TGM7: variants seen among roughly 807,000 people sequenced by gnomAD.
The protein encoded by TGM7 is protein-glutamine gamma-glutamyltransferase Z.
In TGM7, 74 loss-of-function variants were observed where a neutral mutation model predicts 79.5. The observed-to-expected ratio is 0.93, with a 90% confidence interval of 0.77 to 1.13. The LOEUF (loss-of-function observed/expected upper bound fraction) is 1.13. TGM7 is among the 50% of genes most tolerant of loss of function. The pLI is 0.00. For missense variants in TGM7, 912 were observed against 905.9 expected, an observed-to-expected ratio of 1.01 and a Z score of -0.09; for synonymous variants, 354 against 362.5, an observed-to-expected ratio of 0.98 and a Z score of 0.27.
In TGM7 at chr15:43,297,459, G is replaced by A. The variant is rs2043002112; in HGVS notation, c.11-3828C>T. On this transcript the variant is annotated intron_variant, in intron 1 of 12. Coordinates refer to ENST00000452443, the MANE Select transcript of TGM7 (RefSeq NM_052955.3). ...CAGAGCGAGACCCTGTCTCAAAAAA[G>A]AGAGAAAGAGAGACAGAAAGAGAGA... 6.2e-5 allele frequency among the ~76,000 whole-genome samples: 9 copies of A among 145,464 alleles called. No individual in the cohort carries two copies. In the Admixed American group the frequency reaches 6.3e-4, roughly 10 times the overall value.
At chr15:43,297,690 G>A (rs1014519122) in intron 1 of TGM7, among the ~76,000 whole-genome samples, 1 of 152,116 alleles carries the variant, frequency 6.6e-6, no homozygotes, top group East Asian at 1.9e-4. Context: ...TGAGCTCCGC[G>A]ATGCAAAGCT....
chr15:43,301,414 G>A (rs1393828967), intron 1 of TGM7, among the ~76,000 whole-genome samples: 1 of 151,646 alleles, frequency 6.6e-6, no homozygotes, highest in Non-Finnish European at 1.5e-5. Flanking sequence ...TGGGTCACCT[G>A]AGGTCAGGAG....
intron 9 of TGM7, 44 bp from the exon 10 acceptor site, chr15:43,279,995 G>T (rs1276518069): frequency 1.9e-6 from 3 of 1,576,162 alleles, no homozygotes; most frequent in East Asian, 2.2e-5. Flanking sequence ...GGGAGGGGTG[G>T]AGAGGACCAG....
rs1407488360 is a variant in TGM7, at chr15:43,287,277, C to T, written c.865+3G>A. 6.2e-7 allele frequency: 1 copy of T among 1,612,102 alleles called. No homozygotes were observed. The highest frequency in any genetic ancestry group is 8.5e-7 in the Non-Finnish European group (1 of 1,179,606). ...ACCCCTAAGTGAGTGATCTTTCGCT[C>T]ACCGGTGCACATAACAGAGGCGAAG... On this transcript the variant is annotated splice_donor_region_variant and intron_variant, in intron 6 of 12. Coordinates refer to ENST00000452443, the MANE Select transcript of TGM7 (RefSeq NM_052955.3).
intron 1 of TGM7, among the ~76,000 whole-genome samples, chr15:43,300,750 G>A (rs2043021565): frequency 2.0e-5 from 3 of 152,298 alleles, no homozygotes; most frequent in Middle Eastern, 3.4e-3. Flanking sequence ...GCAGTGAACC[G>A]AGATTGCGCC....
chr15:43,277,557 G>A (rs1232019417), intron 11 of TGM7, among the ~76,000 whole-genome samples: 1 of 152,196 alleles, frequency 6.6e-6, no homozygotes. Context: ...CCACGCTGCT[G>A]TGTCTTCATA....
In TGM7 at chr15:43,292,055, T is replaced by TACTC; in HGVS notation, c.478_481dup (p.Tyr161Ter). The stretch of plus-strand genomic sequence containing the variant: ...AACAAAGCCATAATCTCGCATGATA[T>TACTC]ACTCCTGCAGCAGTATTTCACTTGG... On this transcript the variant is annotated stop_gained and frameshift_variant, in exon 4 of 13. Coordinates refer to ENST00000452443, the MANE Select transcript of TGM7 (RefSeq NM_052955.3). LOFTEE classifies it high-confidence loss of function. 1 of 1,614,034 alleles carries TACTC rather than the reference T, an allele frequency of 6.2e-7. No homozygotes were observed. The highest frequency in any genetic ancestry group is 8.5e-7 in the Non-Finnish European group (1 of 1,180,006).
rs138651144 is a variant in TGM7 at position 43,301,841 on chromosome 15, G to C, written c.10+400C>G. ...TCTCAGTGAGGACCTGAGAGTCAGG[G>C]GAGAAGCTGGACAAGGGAGAGGTCT... On this transcript the variant is annotated intron_variant, in intron 1 of 12. Transcript: ENST00000452443. Among the ~76,000 whole-genome samples the C allele has an allele frequency of 5.1e-3, 774 of 152,064 alleles. 3 individuals carry two copies. Among genetic ancestry groups the C allele is most frequent in the Non-Finnish European group, 8.7e-3 (594 of 67,984 alleles).
chr15:43,296,472 G>A (rs1364109596), intron 1 of TGM7, among the ~76,000 whole-genome samples: 1 of 151,110 alleles, frequency 6.6e-6, no homozygotes, highest in Non-Finnish European at 1.5e-5. Flanking sequence ...CCTCAATCTG[G>A]TTGGGAACTG....
rs554798957 is a variant in TGM7 at position 43,289,392 on chromosome 15, C to G, written c.559-1723G>C. On this transcript the variant is annotated intron_variant, in intron 4 of 12. Coordinates refer to ENST00000452443, the MANE Select transcript of TGM7 (RefSeq NM_052955.3). ...TCCATGTCCCTACAAAGGACATGAA[C>G]TCATCATTTTTTATGGCTGCATAGT... Among the ~76,000 whole-genome samples, 4 of 152,294 alleles carry G rather than the reference C, an allele frequency of 2.6e-5. No individual in the cohort carries two copies. In the East Asian group the frequency reaches 7.7e-4, roughly 29 times the overall value.
chr15:43,293,522 G>C lies in TGM7; in HGVS notation c.120C>G (p.Pro40=). 1.2e-6 allele frequency: 2 copies of C among 1,611,972 alleles called. No homozygotes were observed. The highest frequency in any genetic ancestry group is 1.7e-4 in the Middle Eastern group (1 of 6,046). The change falls in exon 2 of 13, where the codon CCC becomes CCG. Residue 40 remains proline (P), a synonymous_variant. Coordinates refer to ENST00000452443, the MANE Select transcript of TGM7 (RefSeq NM_052955.3). ...GGCTGAAGCTCAGCCGGAGGTAGAA[G>C]GGCTGGCCGCGGCGCACAGTGAGCC... ...VKRLTVRRGQ[P]FYLRLSFSRP... is the part of the protein sequence containing the mutation.
Position 43,291,982 on chromosome 15 carries a change from C to A in TGM7, c.555G>T (p.Gly185=). 6.2e-7 allele frequency: 1 copy of A among 1,612,694 alleles called. No individual in the cohort carries two copies. The highest frequency in any genetic ancestry group is 8.5e-7 in the Non-Finnish European group (1 of 1,178,824). The change falls in exon 4 of 13, where the codon GGG becomes GGT. Residue 185 remains glycine (G), a synonymous_variant. Coordinates refer to ENST00000452443, the MANE Select transcript of TGM7 (RefSeq NM_052955.3). ...RFITSWPWNY[G]QFEEDIIDIC... ...CCACATTGGGTAATAGTGTTACCTG[C>A]CCGTAGTTCCAGGGCCAGGAGGTGA...
intron 6 of TGM7, 42 bp from the exon 7 acceptor site, chr15:43,284,994 C>A (rs1032318587): frequency 6.2e-7 from 1 of 1,608,808 alleles, no homozygotes; most frequent in Non-Finnish European, 8.5e-7. Flanking sequence ...TCATTTCAGG[C>A]AGAATTATTG....
At chr15:43,279,021 A>T (rs556851) in intron 11 of TGM7, 96 bp downstream of exon 11, 474,224 of 1,320,520 alleles carry the variant, frequency 0.36, 97,336 homozygotes, top group African/African-American at 0.87. Context: ...CGGTGTGGTG[A>T]GAGGTGGGAA....
chr15:43,286,156 G>C (rs148416604), intron 6 of TGM7, among the ~76,000 whole-genome samples: 3 of 152,298 alleles, frequency 2.0e-5, no homozygotes, highest in African/African-American at 7.2e-5. Context: ...TCACAGCACA[G>C]CTCCTGGGCT....
intron 4 of TGM7, among the ~76,000 whole-genome samples, chr15:43,290,762 T>G (rs371259817): frequency 5.3e-5 from 8 of 152,178 alleles, no homozygotes; most frequent in Non-Finnish European, 1.5e-5. Flanking sequence ...TTGTAGTTCT[T>G]CTTGAAGAGG....
chr15:43,286,839 A>G (rs2042937899), intron 6 of TGM7, among the ~76,000 whole-genome samples: 1 of 152,174 alleles, frequency 6.6e-6, no homozygotes. Context: ...GCAAGTCTAT[A>G]ATGATAACTG....
chr15:43,285,455 T>A (rs2042930655), intron 6 of TGM7, among the ~76,000 whole-genome samples: 1 of 152,164 alleles, frequency 6.6e-6, no homozygotes, highest in South Asian at 2.1e-4. Flanking sequence ...AGTTCCGAAA[T>A]GTTTTTTAAC....
rs140778064 is a variant in TGM7 at position 43,287,393 on chromosome 15, A to G, written c.752T>C (p.Val251Ala). Reference protein sequence around the residue: ...GNWGEDYSKGVSPLEWKGSVA... With the variant: ...GNWGEDYSKGASPLEWKGSVA... ...ACTGCCCTTCCACTCCAGAGGACTG[A>G]CCCCTTTGGAGTAGTCCTCGCCCCA... Residue 251 changes from valine (V) to alanine (A), a missense_variant, in exon 6 of 13, where the codon GTC becomes GCC. Physicochemically the swap from Val to Ala is moderately conservative, Grantham distance 64. Coordinates refer to ENST00000452443, the MANE Select transcript of TGM7 (RefSeq NM_052955.3). 1.5e-5 allele frequency: 24 copies of G among 1,614,054 alleles called. No homozygotes were observed. In the African/African-American group the frequency reaches 3.1e-4, roughly 21 times the overall value.
Sources: gnomAD v4.1 joint callset for allele counts (sites outside exome capture counted in the v4.1 genomes callset) on GRCh38, gnomAD v4.1.1 for gene constraint, MANE v1.5 for transcripts, NCBI Gene and HGNC (gene_info 2026-07-23, HGNC 2026-07-21) for gene names.